The following ZMIZ1 variants were observed in gnomAD, a reference collection of about 807,000 sequenced individuals.
The protein encoded by ZMIZ1 is zinc finger MIZ-type containing 1.
A neutral mutation model predicts 113.9 loss-of-function variants in ZMIZ1; 17 were observed. The observed-to-expected ratio is 0.15, with a 90% CI of 0.10 to 0.22. The LOEUF is 0.22. ZMIZ1 is among the 10% of genes least tolerant of loss of function. ZMIZ1 has a pLI of 1.00. For missense variants in ZMIZ1, 1,059 were observed against 1,477.8 expected (o/e 0.72, Z 4.65); for synonymous variants, 607 against 603.1 (o/e 1.01, Z -0.09).
intron 5 of ZMIZ1, 54 bp from the exon 6 acceptor site, chr10:79,208,282 C>T (rs1180718670): frequency 2.0e-6 from 3 of 1,531,886 alleles, no homozygotes; most frequent in East Asian, 2.3e-5. Flanking sequence ...CCACACGCTG[C>T]CTGTGCTACC....
intron 4 of ZMIZ1, among the ~76,000 whole-genome samples, chr10:79,169,721 G>A (rs533183143): frequency 1.3e-5 from 2 of 152,352 alleles, no homozygotes; most frequent in Non-Finnish European, 2.9e-5. Context: ...CTATCAGCCA[G>A]GTGAGTCTGG....
intron 2 of ZMIZ1, among the ~76,000 whole-genome samples, chr10:79,119,987 A>G (rs1345873927): frequency 1.7e-5 from 2 of 121,088 alleles, no homozygotes; most frequent in Admixed American, 7.7e-5. Flanking sequence ...CCGTGGAGAA[A>G]CAGAAAGATC....
At chr10:79,212,196 C>T (rs1047279880) in intron 6 of ZMIZ1, among the ~76,000 whole-genome samples, 10 of 151,816 alleles carry the variant, frequency 6.6e-5, no homozygotes, top group African/African-American at 1.9e-4. Flanking sequence ...CTTGCTCTGT[C>T]GTCCAGGCTG....
intron 5 of ZMIZ1, 74 bp downstream of exon 5, chr10:79,201,766 T>A: frequency 1.3e-6 from 2 of 1,550,522 alleles, no homozygotes; most frequent in South Asian, 1.1e-5. Context: ...ATCTGGTGGG[T>A]TCTGGCTGGA....
intron 4 of ZMIZ1, among the ~76,000 whole-genome samples, chr10:79,180,177 G>A (rs1847055103): frequency 6.6e-6 from 1 of 152,190 alleles, no homozygotes; most frequent in Admixed American, 6.5e-5. Flanking sequence ...CAGCCCTCAG[G>A]GGGCCTCTCG....
At chr10:79,272,656 G>A (rs1360392853) in intron 7 of ZMIZ1, among the ~76,000 whole-genome samples, 4 of 152,240 alleles carry the variant, frequency 2.6e-5, no homozygotes, top group Non-Finnish European at 4.4e-5. Context: ...TTGAATGAAC[G>A]TTGGGTGAGT....
At chr10:79,259,759 G>T (rs1254520592) in intron 7 of ZMIZ1, among the ~76,000 whole-genome samples, 1 of 152,040 alleles carries the variant, frequency 6.6e-6, no homozygotes, top group Non-Finnish European at 1.5e-5. Context: ...GGGATTACAG[G>T]CTCACACCAC....
intron 11 of ZMIZ1, 92 bp from the exon 12 acceptor site, chr10:79,293,289 T>A: frequency 7.0e-6 from 10 of 1,423,966 alleles, no homozygotes; most frequent in African/African-American, 1.4e-5. Flanking sequence ...CTCCTCCACC[T>A]CCCCAACCCT....
At chr10:79,265,906 G>A (rs1418900777) in intron 7 of ZMIZ1, among the ~76,000 whole-genome samples, 2 of 152,186 alleles carry the variant, frequency 1.3e-5, no homozygotes, top group Non-Finnish European at 2.9e-5. Flanking sequence ...CAACGGAGCA[G>A]CCCAACAGGG....
intron 7 of ZMIZ1, among the ~76,000 whole-genome samples, chr10:79,241,298 A>G (rs560691731): frequency 6.6e-6 from 1 of 152,324 alleles, no homozygotes; most frequent in South Asian, 2.1e-4. Flanking sequence ...GAGGATCTGC[A>G]GTGGGGAGAT....
At chr10:79,187,078 C>T (rs992945023) in intron 4 of ZMIZ1, among the ~76,000 whole-genome samples, 1 of 152,220 alleles carries the variant, frequency 6.6e-6, no homozygotes, top group Non-Finnish European at 1.5e-5. Flanking sequence ...CTGCCTTCAC[C>T]TGGATTTTAG....
At chr10:79,169,447 A>G (rs1473195302) in intron 4 of ZMIZ1, among the ~76,000 whole-genome samples, 1 of 152,220 alleles carries the variant, frequency 6.6e-6, no homozygotes, top group Non-Finnish European at 1.5e-5. Flanking sequence ...TTATCTGTGT[A>G]TGGAAGAAAT....
intron 7 of ZMIZ1, among the ~76,000 whole-genome samples, chr10:79,223,057 T>TC (rs1315928599): frequency 1.3e-5 from 2 of 152,110 alleles, no homozygotes; most frequent in African/African-American, 4.8e-5. Context: ...GACTCCGATC[T>TC]CCCCCTCACG....
chr10:79,282,544 C>A (rs1351797639), intron 8 of ZMIZ1, among the ~76,000 whole-genome samples: 1 of 152,182 alleles, frequency 6.6e-6, no homozygotes, highest in Non-Finnish European at 1.5e-5. Context: ...ACAATCATGT[C>A]TGCTGCAGGC....
intron 4 of ZMIZ1, among the ~76,000 whole-genome samples, chr10:79,173,000 G>A (rs1342501750): frequency 1.3e-5 from 2 of 152,238 alleles, no homozygotes; most frequent in East Asian, 3.9e-4. Context: ...GTCAGATGGG[G>A]GATTCACAGG....
intron 7 of ZMIZ1, among the ~76,000 whole-genome samples, chr10:79,264,120 A>C (rs1851437667): frequency 6.6e-6 from 1 of 152,216 alleles, no homozygotes. Flanking sequence ...GCTGGAGTGC[A>C]GGCTCCGTGG....
intron 1 of ZMIZ1, among the ~76,000 whole-genome samples, chr10:79,078,634 T>G (rs1355620597): frequency 1.5e-5 from 2 of 132,952 alleles, no homozygotes; most frequent in African/African-American, 2.8e-5. Context: ...AACCTCTGCC[T>G]CCTGGGCTCA....
intron 6 of ZMIZ1, among the ~76,000 whole-genome samples, chr10:79,212,146 C>CT (rs559880923): frequency 0.034 from 4,940 of 146,980 alleles, 104 homozygotes; most frequent in Middle Eastern, 0.064. Flanking sequence ...CCGTCTTCTT[C>CT]TTTTTTTTTT....
At chr10:79,162,447 T>A (rs1330510976) in intron 4 of ZMIZ1, among the ~76,000 whole-genome samples, 2 of 152,176 alleles carry the variant, frequency 1.3e-5, no homozygotes, top group African/African-American at 4.8e-5. Context: ...TGCACCACTC[T>A]AAACCCTGTG....
Sources: gnomAD v4.1 joint callset for allele counts (sites outside exome capture counted in the v4.1 genomes callset) on GRCh38, gnomAD v4.1.1 for gene constraint, MANE v1.5 for transcripts, NCBI Gene and HGNC (gene_info 2026-07-23, HGNC 2026-07-21) for gene names.